MED1: variants seen among roughly 807,000 people sequenced by gnomAD.
The protein encoded by MED1 is mediator complex subunit 1, also known as mediator of RNA polymerase II transcription subunit 1.
MED1 carries 17 observed loss-of-function variants against 121.3 expected under a neutral mutation model. That is an observed-to-expected ratio of 0.14 (90% CI 0.10 to 0.21). MED1 has a LOEUF of 0.21. MED1 is among the 10% of genes least tolerant of loss of function. MED1 has a pLI of 1.00. For synonymous variants in MED1, 661 were observed against 694.4 expected (o/e 0.95, Z 0.76); for missense variants, 1,558 against 1,919.4 (o/e 0.81, Z 3.52).
chr17:39,412,006 CAAA>C (rs72106224), intron 16 of MED1, among the ~76,000 whole-genome samples: 7 of 133,876 alleles, frequency 5.2e-5, no homozygotes, highest in Admixed American at 7.4e-5. Context: ...GACTCCATCT[CAAA>C]AAAAAAAAAA....
At chr17:39,420,197 CTTT>C (rs751616356) in intron 13 of MED1, among the ~76,000 whole-genome samples, 8 of 132,676 alleles carry the variant, frequency 6.0e-5, no homozygotes, top group East Asian at 2.2e-4. Context: ...TGCAAAATCT[CTTT>C]TTTTTTTTTT....
At chr17:39,438,989 G>A (rs760754506) in intron 6 of MED1, among the ~76,000 whole-genome samples, 176 bp downstream of exon 6, 3 of 152,070 alleles carry the variant, frequency 2.0e-5, no homozygotes, top group Non-Finnish European at 4.4e-5. Context: ...GATAGAGTAG[G>A]GTGAAAAGCT....
Position 39,440,775 on chromosome 17 carries a change from C to T in MED1, c.212-98G>A, listed in dbSNP as rs2048667587. ...AGATTCATCCTTCCAAAACCGTAAA[C>T]ATATTCAGTAGTTCAAATGCTTGTA... On this transcript the variant is annotated intron_variant, in intron 3 of 16. Transcript: ENST00000300651. The surrounding 1 kb of genome is among the most constrained non-coding windows in gnomAD (Gnocchi z 4.1). The T allele has an allele frequency of 8.6e-7, 1 of 1,162,786 alleles. No homozygotes were observed. The highest frequency in any genetic ancestry group is 1.3e-6 in the Non-Finnish European group (1 of 795,416). The allele number at this position is 1,162,786 out of a possible 1,614,324, so 72.0% of individuals were successfully genotyped here. A position where few individuals can be genotyped will look rare whatever the true frequency, so the allele number is the denominator to read the frequency against.
chr17:39,406,349 T>A lies in MED1; in HGVS notation c.*1126A>T. On this transcript the variant is annotated 3_prime_UTR_variant, in exon 17 of 17. Transcript: ENST00000300651. ...GATTAAAGTTTGGACTCCTTCTCCT[T>A]GTGATGAAGAGAAACAGTGAGTCCA... The A allele has an allele frequency of 1.0e-6, 1 of 985,558 alleles. No homozygotes were observed. Among genetic ancestry groups the A allele is most frequent in the Non-Finnish European group, 1.2e-6 (1 of 829,938 alleles). 61.1% of individuals were successfully genotyped at this position (985,558 alleles called of 1,614,324 possible).
chr17:39,423,604 G>A, intron 12 of MED1, 93 bp downstream of exon 12: 1 of 1,535,480 alleles, frequency 6.5e-7, no homozygotes, highest in South Asian at 1.1e-5. Flanking sequence ...CTTCAATGAG[G>A]CATGTAAGAC....
intron 14 of MED1, among the ~76,000 whole-genome samples, chr17:39,417,921 C>A (rs2048425109): frequency 6.6e-6 from 1 of 151,338 alleles, no homozygotes; most frequent in South Asian, 2.1e-4. Flanking sequence ...GAGTTCGAGA[C>A]CAGCCTGGCC....
At chr17:39,417,048 A>T (rs139129104) in intron 14 of MED1, among the ~76,000 whole-genome samples, 12 of 152,118 alleles carry the variant, frequency 7.9e-5, no homozygotes, top group Non-Finnish European at 1.5e-4. Context: ...AAGAAAAAAA[A>T]GTCCAGGCAT....
chr17:39,423,609 T>TA, intron 12 of MED1, 88 bp downstream of exon 12: 1 of 1,566,090 alleles, frequency 6.4e-7, no homozygotes, highest in Non-Finnish European at 8.8e-7. Flanking sequence ...ATGAGGCATG[T>TA]AAGACTGAAA....
chr17:39,437,551 C>G (rs2048631900), intron 6 of MED1, among the ~76,000 whole-genome samples: 1 of 152,088 alleles, frequency 6.6e-6, no homozygotes, highest in African/African-American at 2.4e-5. Context: ...ATTTTCCAAT[C>G]CAAATTGTCA....
chr17:39,436,780 T>A (rs930272064), intron 6 of MED1, among the ~76,000 whole-genome samples: 3 of 152,078 alleles, frequency 2.0e-5, no homozygotes, highest in Non-Finnish European at 4.4e-5. Flanking sequence ...CTTTATTATT[T>A]TTTTTTTTGA....
Position 39,407,731 on chromosome 17 carries a change from T to C in MED1, c.4490A>G (p.His1497Arg), listed in dbSNP as rs768102422. Residue 1497 changes from histidine to arginine, a missense_variant, in exon 17 of 17, where the codon CAT becomes CGT. Physicochemically the swap from His to Arg is conservative, Grantham distance 29. Around this residue, in one of 5 missense-constraint regions of MED1, gnomAD observed 264 missense variants for 326.1 expected, o/e 0.81. Transcript: ENST00000300651. ...RPLPEYSTEK[H>R]KKHKKEKKKV... ...CTTCTTTTCCTTTTTGTGCTTCTTA[T>C]GTTTCTCTGTGCTGTATTCTGGAAG... 5.6e-6 allele frequency: 9 copies of C among 1,614,102 alleles called. No homozygotes were observed. The highest frequency in any genetic ancestry group is 7.6e-6 in the Non-Finnish European group (9 of 1,180,044).
intron 6 of MED1, 25 bp downstream of exon 6, chr17:39,439,140 A>C (rs2048648256): frequency 1.3e-6 from 2 of 1,588,786 alleles, no homozygotes; most frequent in Non-Finnish European, 1.7e-6. Flanking sequence ...GTCAATATCA[A>C]GGAATATAAA....
chr17:39,420,436 C>T lies in MED1; in HGVS notation c.1096-518G>A, dbSNP rs139388993. Among the ~76,000 whole-genome samples the T allele has an allele frequency of 7.7e-3, 1,173 of 151,896 alleles. 9 individuals carry two copies. Among genetic ancestry groups the T allele is most frequent in the Non-Finnish European group, 0.014 (935 of 67,940 alleles). ...CAGGATTGTCTCCATCTCCTGACTT[C>T]GTGATCCACCCACCTGGGCCTCCCA... On this transcript the variant is annotated intron_variant, in intron 13 of 16. Transcript: ENST00000300651.
rs1286062651 is a variant in MED1 at position 39,451,127 on chromosome 17, G to C, written c.-65C>G. 1.3e-6 allele frequency: 2 copies of C among 1,587,592 alleles called. No homozygotes were observed. Among genetic ancestry groups the C allele is most frequent in the African/African-American group, 1.4e-5 (1 of 73,842 alleles). Reference sequence around the variant, plus strand: ...AAGCCCTTCCCCACCACTAACGGAGGAAACAAGTTGGCTCGGGATCCCGGG... The same window carrying C: ...AAGCCCTTCCCCACCACTAACGGAGCAAACAAGTTGGCTCGGGATCCCGGG... On this transcript the variant is annotated 5_prime_UTR_variant, in exon 1 of 17. Coordinates refer to ENST00000300651, the MANE Select transcript of MED1 (RefSeq NM_004774.4).
At chr17:39,411,937 G>A (rs556380805) in intron 16 of MED1, among the ~76,000 whole-genome samples, 1 of 151,518 alleles carries the variant, frequency 6.6e-6, no homozygotes, top group Non-Finnish European at 1.5e-5. Flanking sequence ...AACCCGGGAA[G>A]CAGAGGTTGC....
Position 39,423,331 on chromosome 17 carries a change from T to C in MED1, c.1091A>G (p.Tyr364Cys). 1 of 1,598,650 alleles carries C rather than the reference T, an allele frequency of 6.3e-7. No individual in the cohort carries two copies. Among genetic ancestry groups the C allele is most frequent in the Non-Finnish European group, 8.6e-7 (1 of 1,165,972 alleles). ...PIPLNHNMRF[Y>C]AALPGQQHCY... Reference sequence around the variant, plus strand: ...GCTCCCTAGGGCTTTACTTACAGCATAAAATCTCATGTTGTGATTCAAAGG... The same window carrying C: ...GCTCCCTAGGGCTTTACTTACAGCACAAAATCTCATGTTGTGATTCAAAGG... Residue 364 changes from tyrosine to cysteine, a missense_variant, in exon 13 of 17, where the codon TAT becomes TGT. Tyr to Cys is a radical substitution (Grantham distance 194, BLOSUM62 -2). This residue lies in a region of MED1 where 443 missense variants were observed against 532.4 expected (regional missense o/e 0.83). Coordinates refer to ENST00000300651, the MANE Select transcript of MED1 (RefSeq NM_004774.4).
intron 8 of MED1, among the ~76,000 whole-genome samples, 195 bp downstream of exon 8, chr17:39,431,747 T>G (rs1178504041): frequency 6.6e-6 from 1 of 152,202 alleles, no homozygotes; most frequent in Non-Finnish European, 1.5e-5. Flanking sequence ...CCAGGTCTGA[T>G]GAGTCTTGAG....
chr17:39,426,301 G>C (rs142269516), intron 10 of MED1, among the ~76,000 whole-genome samples: 7,810 of 152,022 alleles, frequency 0.051, 656 homozygotes, highest in African/African-American at 0.18. Context: ...ACAAGAATTA[G>C]CCGGGTGTGG....
chr17:39,436,680 G>GA (rs1277866556), intron 6 of MED1, among the ~76,000 whole-genome samples: 4 of 151,960 alleles, frequency 2.6e-5, no homozygotes, highest in African/African-American at 9.7e-5. Context: ...AAATCAAAGC[G>GA]AAAAAGTTAT....
Sources: gnomAD v4.1 joint callset for allele counts (sites outside exome capture counted in the v4.1 genomes callset) on GRCh38, gnomAD v4.1.1 for gene constraint, gnomAD v4.1.1 regional missense constraint, Gnocchi (gnomAD v3.1) non-coding constraint, MANE v1.5 for transcripts, NCBI Gene and HGNC (gene_info 2026-07-23, HGNC 2026-07-21) for gene names.